The following RNF144B variants were observed in gnomAD, a reference collection of about 807,000 sequenced individuals.
RNF144B encodes the protein ring finger protein 144B.
In RNF144B, 25 loss-of-function variants were observed where a neutral mutation model predicts 40.2. The ratio of observed to expected loss-of-function variants is 0.62; its 90% CI spans 0.45 to 0.87. The LOEUF (loss-of-function observed/expected upper bound fraction) is 0.87, where lower values mean the gene tolerates loss of function less well. Among genes scored for constraint, RNF144B ranks in the 40% least tolerant of loss-of-function variants. RNF144B has a pLI of 0.00. For synonymous variants in RNF144B, 145 were observed against 136.3 expected (o/e 1.06, Z -0.44); for missense variants, 365 against 373.7 (o/e 0.98, Z 0.19).
At position 18,416,109 on chromosome 6, in the gene RNF144B, C is replaced by T. The variant is rs759622285; in HGVS notation, c.166-11472C>T. ...GTAGAAGGATGTAAACTTGGCAAGC[C>T]TTCTTGTTTTCTTTCTCCTGGAATG... On this transcript the variant is annotated intron_variant, in intron 2 of 7. Transcript: ENST00000259939. The surrounding 1 kb of genome is among the most constrained non-coding windows in gnomAD (Gnocchi z 5.5). Among the ~76,000 whole-genome samples the T allele has an allele frequency of 6.6e-6, 1 of 151,454 alleles. No homozygotes were observed. Among genetic ancestry groups the T allele is most frequent in the Non-Finnish European group, 1.5e-5 (1 of 67,758 alleles).
Position 18,466,840 on chromosome 6 carries a change from T to G in RNF144B, c.*1773T>G, listed in dbSNP as rs900070619. On this transcript the variant is annotated 3_prime_UTR_variant, in exon 8 of 8. Transcript: ENST00000259939. Reference sequence around the variant, plus strand: ...ATATTGATATCTGATGTGTGTATAGTACATCTGTTGGTTATGTACATTTTA... The same window carrying G: ...ATATTGATATCTGATGTGTGTATAGGACATCTGTTGGTTATGTACATTTTA... 1.8e-4 allele frequency: 28 copies of G among 152,674 alleles called. No individual in the cohort carries two copies. Among genetic ancestry groups the G allele is most frequent in the African/African-American group, 6.5e-4 (27 of 41,478 alleles). The allele number at this position is 152,674 out of a possible 1,614,324, so 9.5% of individuals were successfully genotyped here.
At chr6:18,445,863 G>T (rs41427645) in intron 4 of RNF144B, among the ~76,000 whole-genome samples, 9,739 of 152,264 alleles carry the variant, frequency 0.064, 407 homozygotes, top group Non-Finnish European at 0.083. Flanking sequence ...CTGGATAATT[G>T]TGCATTTTGT....
chr6:18,459,625 T>C lies in RNF144B; in HGVS notation c.555T>C (p.Asp185=). Residue 185 remains aspartate (D), a synonymous_variant, in exon 6 of 8, where the codon GAT becomes GAC. Transcript: ENST00000259939. This position sits in a 1 kb window ranked among gnomAD's most constrained non-coding sequence, Gnocchi z 4.2. The part of the protein sequence containing the change: ...PTEHRALFGT[D]AEAPIKQCPV... ...TTTCTAGAGCCCTCTTTGGGACAGATGCAGAAGCCCCCATTAAGCAGTGCC... is the reference window on the plus strand; with the variant it reads ...TTTCTAGAGCCCTCTTTGGGACAGACGCAGAAGCCCCCATTAAGCAGTGCC... 6.2e-7 allele frequency: 1 copy of C among 1,613,866 alleles called. No individual in the cohort carries two copies. The highest frequency in any genetic ancestry group is 2.2e-5 in the East Asian group (1 of 44,864).
Position 18,395,360 on chromosome 6 carries a change from C to G in RNF144B, c.-36-4139C>G, listed in dbSNP as rs1794672668. 6.6e-6 allele frequency among the ~76,000 whole-genome samples: 1 copy of G among 152,092 alleles called. No individual in the cohort carries two copies. ...AGCTGGGAGTGTGTTATCAAATGCC[C>G]TGAGCTTCCTGAGGCTCTACTATTG... On this transcript the variant is annotated intron_variant, in intron 1 of 7. Transcript: ENST00000259939. This position sits in a 1 kb window ranked among gnomAD's most constrained non-coding sequence, Gnocchi z 4.5.
intron 2 of RNF144B, among the ~76,000 whole-genome samples, chr6:18,423,253 T>G (rs985383695): frequency 6.6e-6 from 1 of 152,164 alleles, no homozygotes; most frequent in East Asian, 1.9e-4. Flanking sequence ...CTAGAGAGGT[T>G]AATGACTGGC....
chr6:18,441,981 A>G lies in RNF144B; in HGVS notation c.331+2237A>G, dbSNP rs977794092. 6.6e-6 allele frequency among the ~76,000 whole-genome samples: 1 copy of G among 152,226 alleles called. No homozygotes were observed. The highest frequency in any genetic ancestry group is 1.5e-5 in the Non-Finnish European group (1 of 68,040). The stretch of plus-strand genomic sequence containing the variant: ...CTGTACACTTTTTTCCCAAAGAGGT[A>G]ATCATACCGTTCTTCAGGAAATATC... On this transcript the variant is annotated intron_variant, in intron 4 of 7. Transcript: ENST00000259939. This position sits in a 1 kb window ranked among gnomAD's most constrained non-coding sequence, Gnocchi z 4.9.
chr6:18,387,572 T>C lies in RNF144B; in HGVS notation c.-95T>C. ...GTGTGCCAGCAGCCCGGACTGGCGG[T>C]GAGCGCGAGGGAGGCTACTGAGAAG... On this transcript the variant is annotated 5_prime_UTR_variant, in exon 1 of 8. Coordinates refer to ENST00000259939, the MANE Select transcript of RNF144B (RefSeq NM_182757.4). 1 of 1,326,904 alleles carries C rather than the reference T, an allele frequency of 7.5e-7. No homozygotes were observed. Among genetic ancestry groups the C allele is most frequent in the South Asian group, 1.2e-5 (1 of 84,110 alleles). The allele number at this position is 1,326,904 out of a possible 1,614,324, so 82.2% of individuals were successfully genotyped here.
intron 3 of RNF144B, among the ~76,000 whole-genome samples, chr6:18,428,879 A>G (rs565203453): frequency 5.9e-5 from 9 of 152,294 alleles, no homozygotes; most frequent in African/African-American, 2.2e-4. Context: ...TCTGACTGCC[A>G]TAATTACGTG....
intron 1 of RNF144B, among the ~76,000 whole-genome samples, chr6:18,388,783 G>A (rs984772789): frequency 6.6e-6 from 1 of 150,504 alleles, no homozygotes; most frequent in African/African-American, 2.4e-5. Flanking sequence ...CTCCTGCTCT[G>A]CCCTTGCACA....
rs1402067761 is a variant in RNF144B, at chr6:18,466,816, T to C, written c.*1749T>C. 6.6e-6 allele frequency: 1 copy of C among 152,664 alleles called. No homozygotes were observed. The highest frequency in any genetic ancestry group is 1.5e-5 in the Non-Finnish European group (1 of 68,034). The allele number at this position is 152,664 out of a possible 1,614,324, so 9.5% of individuals were successfully genotyped here. On this transcript the variant is annotated 3_prime_UTR_variant, in exon 8 of 8. Transcript: ENST00000259939. The stretch of plus-strand genomic sequence containing the variant: ...TCAGGAACTTTAATTCACAAGTATA[T>C]ATTGATATCTGATGTGTGTATAGTA...
At position 18,425,746 on chromosome 6, in the gene RNF144B, C is replaced by T. The variant is rs1758534578; in HGVS notation, c.166-1835C>T. Among the ~76,000 whole-genome samples the T allele has an allele frequency of 6.6e-6, 1 of 152,142 alleles. No individual in the cohort carries two copies. Among genetic ancestry groups the T allele is most frequent in the South Asian group, 2.1e-4 (1 of 4,826 alleles). Reference sequence around the variant, plus strand: ...TTATACTAAATCATGAGCATTTGTGCATGTCTTTTAAATATCATTTGAAGA... The same window carrying T: ...TTATACTAAATCATGAGCATTTGTGTATGTCTTTTAAATATCATTTGAAGA... On this transcript the variant is annotated intron_variant, in intron 2 of 7. Coordinates refer to ENST00000259939, the MANE Select transcript of RNF144B (RefSeq NM_182757.4). The surrounding 1 kb of genome is among the most constrained non-coding windows in gnomAD (Gnocchi z 4.2).
In RNF144B at chr6:18,387,362, A is replaced by T. The variant is rs1390910217; in HGVS notation, c.-305A>T. On this transcript the variant is annotated 5_prime_UTR_variant, in exon 1 of 8. Coordinates refer to ENST00000259939, the MANE Select transcript of RNF144B (RefSeq NM_182757.4). ...TACCGCTGCTGGCGAGCTGTGCCCC[A>T]CGCTCCCGCTGCAACAGTCCCGGGC... The T allele has an allele frequency of 4.3e-6, 5 of 1,152,086 alleles. No individual in the cohort carries two copies. The highest frequency in any genetic ancestry group is 4.3e-6 in the Non-Finnish European group (4 of 921,128). The allele number at this position is 1,152,086 out of a possible 1,614,324, so 71.4% of individuals were successfully genotyped here. A position where few individuals can be genotyped will look rare whatever the true frequency, so the allele number is the denominator to read the frequency against.
At chr6:18,428,685 T>G (rs1022385346) in intron 3 of RNF144B, among the ~76,000 whole-genome samples, 1 of 152,138 alleles carries the variant, frequency 6.6e-6, no homozygotes, top group African/African-American at 2.4e-5. Flanking sequence ...AACACCTGCT[T>G]TGCACCAGGC....
chr6:18,439,624 G>A, intron 3 of RNF144B, 60 bp from the exon 4 acceptor site: 1 of 1,141,822 alleles, frequency 8.8e-7, no homozygotes, highest in Admixed American at 1.8e-5. Context: ...AAATCAAAAG[G>A]CTGGTAACTC....
rs545894814 is a variant in RNF144B, at chr6:18,460,468, A to G, written c.681+717A>G. On this transcript the variant is annotated intron_variant, in intron 6 of 7. Coordinates refer to ENST00000259939, the MANE Select transcript of RNF144B (RefSeq NM_182757.4). The surrounding 1 kb of genome is among the most constrained non-coding windows in gnomAD (Gnocchi z 4.4). ...TTGTCATATAGGGTAACACATTCAC[A>G]GATTCTGGGAATTAGGCCATGATAT... is the stretch of plus-strand genomic sequence containing the variant. Among the ~76,000 whole-genome samples, 14 of 152,294 alleles carry G rather than the reference A, an allele frequency of 9.2e-5. No individual in the cohort carries two copies. Among genetic ancestry groups the G allele is most frequent in the Middle Eastern group, 3.4e-3 (1 of 294 alleles).
chr6:18,414,629 A>C lies in RNF144B; in HGVS notation c.166-12952A>C, dbSNP rs1168967841. Among the ~76,000 whole-genome samples, 1 of 152,162 alleles carries C rather than the reference A, an allele frequency of 6.6e-6. No individual in the cohort carries two copies. Among genetic ancestry groups the C allele is most frequent in the African/African-American group, 2.4e-5 (1 of 41,440 alleles). On this transcript the variant is annotated intron_variant, in intron 2 of 7. Transcript: ENST00000259939. This position sits in a 1 kb window ranked among gnomAD's most constrained non-coding sequence, Gnocchi z 4.9. ...GGTATATATATGATTAGTTTTAATT[A>C]AGATATTATTTCATTATAATTTATT...
In RNF144B at chr6:18,443,011, G is replaced by A. The variant is rs972621479; in HGVS notation, c.331+3267G>A. Among the ~76,000 whole-genome samples the A allele has an allele frequency of 6.6e-6, 1 of 152,104 alleles. No individual in the cohort carries two copies. Among genetic ancestry groups the A allele is most frequent in the Non-Finnish European group, 1.5e-5 (1 of 68,022 alleles). Reference sequence around the variant, plus strand: ...CTGTGAACACTGGGGTATAATCTGAGTTTCTGCTTTCAGTATTTTTGGGTA... The same window carrying A: ...CTGTGAACACTGGGGTATAATCTGAATTTCTGCTTTCAGTATTTTTGGGTA... On this transcript the variant is annotated intron_variant, in intron 4 of 7. Transcript: ENST00000259939. This position sits in a 1 kb window ranked among gnomAD's most constrained non-coding sequence, Gnocchi z 4.7.
intron 3 of RNF144B, among the ~76,000 whole-genome samples, chr6:18,433,116 C>T (rs894066067): frequency 1.3e-5 from 2 of 152,174 alleles, no homozygotes; most frequent in African/African-American, 4.8e-5. Flanking sequence ...CTTCCCAAAT[C>T]CTCTGCCTCC....
At chr6:18,394,752 A>G (rs1311597118) in intron 1 of RNF144B, among the ~76,000 whole-genome samples, 1 of 152,174 alleles carries the variant, frequency 6.6e-6, no homozygotes, top group African/African-American at 2.4e-5. Context: ...GACAATTCTA[A>G]TGACAAGACA....
Sources: gnomAD v4.1 joint callset for allele counts (sites outside exome capture counted in the v4.1 genomes callset) on GRCh38, gnomAD v4.1.1 for gene constraint, Gnocchi (gnomAD v3.1) non-coding constraint, MANE v1.5 for transcripts, NCBI Gene and HGNC (gene_info 2026-07-23, HGNC 2026-07-21) for gene names.